Variants in IL1RAPL1 observed in about 807,000 individuals in gnomAD.
IL1RAPL1 encodes the protein interleukin-1 receptor accessory protein-like 1.
IL1RAPL1 carries 3 observed loss-of-function variants against 48.4 expected under a neutral mutation model. The ratio of observed to expected loss-of-function variants is 0.06; its 90% CI spans 0.03 to 0.16. The LOEUF is 0.16. Ranked by LOEUF, IL1RAPL1 falls within the 10% of genes least tolerant of loss-of-function variation. The pLI, the probability that IL1RAPL1 is intolerant of heterozygous loss-of-function variation, is 1.00. For synonymous variants in IL1RAPL1, 185 were observed against 187.7 expected (o/e 0.99, Z 0.12); for missense variants, 349 against 530.6 (o/e 0.66, Z 3.36).
At chrX:28,893,999 T>C (rs1922840901) in intron 2 of IL1RAPL1, among the ~76,000 whole-genome samples, 2 of 111,985 alleles carry the variant, frequency 1.8e-5, no homozygotes, top group Non-Finnish European at 3.8e-5. Context: ...GCATAAGCGT[T>C]GCCTAGAGCA....
At chrX:28,849,052 T>C (rs944977384) in intron 2 of IL1RAPL1, among the ~76,000 whole-genome samples, 2 of 110,769 alleles carry the variant, frequency 1.8e-5, no homozygotes, top group Non-Finnish European at 3.8e-5. Context: ...CTGTAAACTT[T>C]ATCATTTTGC....
At chrX:29,790,968 G>A (rs981371822) in intron 6 of IL1RAPL1, among the ~76,000 whole-genome samples, 2 of 110,488 alleles carry the variant, frequency 1.8e-5, no homozygotes, top group Non-Finnish European at 3.8e-5. Context: ...CTTCCCTTTC[G>A]GGTCGCGTAC....
intron 2 of IL1RAPL1, among the ~76,000 whole-genome samples, chrX:28,824,701 A>G (rs1339311988): frequency 9.0e-6 from 1 of 111,605 alleles, no homozygotes; most frequent in Non-Finnish European, 1.9e-5. Context: ...TTAAAATTAC[A>G]CTGTATGTGG....
intron 2 of IL1RAPL1, among the ~76,000 whole-genome samples, chrX:28,944,869 G>A (rs1383334508): frequency 9.1e-6 from 1 of 109,558 alleles, no homozygotes; most frequent in African/African-American, 3.3e-5. Flanking sequence ...CACTTTCACT[G>A]TTAATTACCT....
chrX:29,240,024 C>T (rs771305922), intron 2 of IL1RAPL1, among the ~76,000 whole-genome samples: 2 of 106,739 alleles, frequency 1.9e-5, no homozygotes, highest in Non-Finnish European at 3.8e-5. Context: ...CTAGGCTAGT[C>T]TTCCTTTAAG....
At chrX:29,773,253 C>T (rs965419311) in intron 6 of IL1RAPL1, among the ~76,000 whole-genome samples, 3 of 111,881 alleles carry the variant, frequency 2.7e-5, no homozygotes, top group African/African-American at 6.5e-5. Flanking sequence ...AAAGATGCTT[C>T]GACCTTGTTC....
At chrX:29,673,292 G>A (rs895552537) in intron 6 of IL1RAPL1, among the ~76,000 whole-genome samples, 1 of 111,627 alleles carries the variant, frequency 9.0e-6, no homozygotes, top group South Asian at 3.7e-4. Context: ...ATTTGATACC[G>A]AATTCTGAAA....
Position 28,845,955 on chromosome X carries a change from T to G in IL1RAPL1, c.82+56530T>G, listed in dbSNP as rs1271671929. ...GTTGACACATCATTATCACCTAAAG[T>G]CCATAGTTTTCACTAGAATTCACTC... On this transcript the variant is annotated intron_variant, in intron 2 of 10. Coordinates refer to ENST00000378993, the MANE Select transcript of IL1RAPL1 (RefSeq NM_014271.4). Among the ~76,000 whole-genome samples the G allele has an allele frequency of 4.5e-5, 5 of 111,714 alleles. No individual in the cohort carries two copies. The Admixed American group carries it at 4.7e-4, about 11-fold the overall frequency.
At chrX:29,040,606 T>C (rs975280579) in intron 2 of IL1RAPL1, among the ~76,000 whole-genome samples, 3 of 111,905 alleles carry the variant, frequency 2.7e-5, no homozygotes, top group Non-Finnish European at 5.7e-5. Flanking sequence ...TTACAACTTC[T>C]AAACTTTATT....
intron 5 of IL1RAPL1, among the ~76,000 whole-genome samples, chrX:29,637,832 A>G (rs1327014615): frequency 1.8e-5 from 2 of 112,091 alleles, no homozygotes; most frequent in Non-Finnish European, 3.8e-5. Flanking sequence ...ATTAAACACA[A>G]TAGCAAAGGA....
chrX:29,771,532 G>T (rs1484849887), intron 6 of IL1RAPL1, among the ~76,000 whole-genome samples: 1 of 111,695 alleles, frequency 9.0e-6, no homozygotes, highest in Admixed American at 9.5e-5. Flanking sequence ...AGTAGTTTGG[G>T]GTCACTGTTT....
intron 1 of IL1RAPL1, among the ~76,000 whole-genome samples, chrX:28,648,341 C>T (rs1569144902): frequency 8.9e-6 from 1 of 111,945 alleles, no homozygotes; most frequent in East Asian, 2.8e-4. Flanking sequence ...TCTTCTGCTA[C>T]TTATTAGCAG....
intron 5 of IL1RAPL1, among the ~76,000 whole-genome samples, chrX:29,439,858 T>G (rs1447744449): frequency 3.0e-5 from 3 of 99,823 alleles, no homozygotes; most frequent in Non-Finnish European, 6.1e-5. Flanking sequence ...TTGGTTTTTT[T>G]TTTTTTTTTT....
At chrX:28,648,243 A>G (rs1271902856) in intron 1 of IL1RAPL1, among the ~76,000 whole-genome samples, 6 of 111,578 alleles carry the variant, frequency 5.4e-5, no homozygotes, top group African/African-American at 2.0e-4. Flanking sequence ...CATGACTCCC[A>G]TATCTCTTCA....
rs757956668 is a variant in IL1RAPL1 at position 29,353,133 on chromosome X, G to A, written c.363-43125G>A. ...TTAAAAACCACCAGATTATTTGATT[G>A]TGTGATCCAGGAATGAATGCATGTC... On this transcript the variant is annotated intron_variant, in intron 3 of 10. Coordinates refer to ENST00000378993, the MANE Select transcript of IL1RAPL1 (RefSeq NM_014271.4). Among the ~76,000 whole-genome samples, 9 of 112,099 alleles carry A rather than the reference G, an allele frequency of 8.0e-5. No individual in the cohort carries two copies. The East Asian group carries it at 2.5e-3, about 31-fold the overall frequency.
intron 2 of IL1RAPL1, among the ~76,000 whole-genome samples, chrX:28,895,373 G>C (rs181972219): frequency 7.4e-5 from 8 of 108,509 alleles, no homozygotes; most frequent in Non-Finnish European, 1.5e-4. Context: ...TGGCATTGAG[G>C]GGGGTAAGGG....
chrX:28,915,522 C>T lies in IL1RAPL1; in HGVS notation c.82+126097C>T, dbSNP rs912363135. ...GCGTATAACATCTCAGGTACTGTTG[C>T]ACATACTTTACATGTATGGGTTATT... On this transcript the variant is annotated intron_variant, in intron 2 of 10. Coordinates refer to ENST00000378993, the MANE Select transcript of IL1RAPL1 (RefSeq NM_014271.4). Among the ~76,000 whole-genome samples, 3 of 111,653 alleles carry T rather than the reference C, an allele frequency of 2.7e-5. No homozygotes were observed. The East Asian group carries it at 8.4e-4, about 31-fold the overall frequency.
chrX:29,320,926 T>G (rs1932799875), intron 3 of IL1RAPL1, among the ~76,000 whole-genome samples: 1 of 111,226 alleles, frequency 9.0e-6, no homozygotes, highest in African/African-American at 3.3e-5. Context: ...TTATTAATAA[T>G]ATTGCTTACT....
intron 6 of IL1RAPL1, among the ~76,000 whole-genome samples, chrX:29,888,565 T>TATCA (rs1932214757): frequency 9.0e-6 from 1 of 111,212 alleles, no homozygotes; most frequent in African/African-American, 3.3e-5. Context: ...TAATGAAGGC[T>TATCA]ATCATTCTTC....
Sources: allele counts gnomAD v4.1 joint callset (sites outside exome capture counted in the v4.1 genomes callset), GRCh38; gene constraint gnomAD v4.1.1; transcripts MANE v1.5; gene names NCBI Gene and HGNC (gene_info 2026-07-23, HGNC 2026-07-21).